DLG2: variants seen among roughly 807,000 people sequenced by gnomAD.
DLG2 encodes the protein discs large MAGUK scaffold protein 2, also known as disks large homolog 2.
A neutral mutation model predicts 132.5 loss-of-function variants in DLG2; 45 were observed. The observed-to-expected ratio is 0.34, with a 90% CI of 0.27 to 0.44. The LOEUF is 0.44. DLG2 is among the 20% of genes least tolerant of loss of function. The pLI, the probability that DLG2 is intolerant of heterozygous loss-of-function variation, is 1.00. For synonymous variants in DLG2, 424 were observed against 419.6 expected (o/e 1.01, Z -0.13); for missense variants, 1,045 against 1,196.9 (o/e 0.87, Z 1.87).
At position 83,683,310 on chromosome 11, in the gene DLG2, T is replaced by C. The variant is rs76999784; in HGVS notation, c.1826-49985A>G. ...GGTAAGTACTATCATGAGCAACATA[T>C]TGCAGAGAAGAAGCTGAGATTCAGG... On this transcript the variant is annotated intron_variant, in intron 18 of 27. Coordinates refer to ENST00000376104, the MANE Select transcript of DLG2 (RefSeq NM_001142699.3). Among the ~76,000 whole-genome samples the C allele has an allele frequency of 6.0e-4, 92 of 152,294 alleles. No homozygotes were observed. The East Asian group carries it at 0.014, about 22-fold the overall frequency.
intron 6 of DLG2, among the ~76,000 whole-genome samples, chr11:84,823,597 ACAC>A: frequency 6.7e-6 from 1 of 150,112 alleles, no homozygotes; most frequent in African/African-American, 2.4e-5. Context: ...ACACACACAC[ACAC>A]ACACACACAC....
chr11:85,268,429 A>C (rs1383723906), intron 4 of DLG2, among the ~76,000 whole-genome samples: 1 of 152,144 alleles, frequency 6.6e-6, no homozygotes, highest in African/African-American at 2.4e-5. Flanking sequence ...GACTTCTTAC[A>C]TATATTGATT....
intron 16 of DLG2, among the ~76,000 whole-genome samples, chr11:83,848,017 CCT>C (rs2058963772): frequency 6.6e-6 from 1 of 151,952 alleles, no homozygotes; most frequent in African/African-American, 2.4e-5. Flanking sequence ...ACTTAATTCT[CCT>C]CTTTTTCCTT....
chr11:83,771,675 C>T (rs2094398470), intron 18 of DLG2, among the ~76,000 whole-genome samples: 1 of 152,066 alleles, frequency 6.6e-6, no homozygotes, highest in Non-Finnish European at 1.5e-5. Context: ...TATAAGACCA[C>T]CGTTGTATAT....
At chr11:84,937,000 A>C (rs1425698779) in intron 6 of DLG2, among the ~76,000 whole-genome samples, 1 of 152,132 alleles carries the variant, frequency 6.6e-6, no homozygotes, top group East Asian at 1.9e-4. Flanking sequence ...TAAAACACAA[A>C]AATTAGCCAG....
rs369007898 is a variant in DLG2, at chr11:83,657,500, T to C, written c.1826-24175A>G. 1.3e-4 allele frequency among the ~76,000 whole-genome samples: 20 copies of C among 151,846 alleles called. No homozygotes were observed. In the East Asian group the frequency reaches 2.1e-3, roughly 16 times the overall value. Reference sequence around the variant, plus strand: ...ACTTTGTCTTGGTTATACTGTTGTTTACCAGTAGTCCGTGCTTTTATATAT... The same window carrying C: ...ACTTTGTCTTGGTTATACTGTTGTTCACCAGTAGTCCGTGCTTTTATATAT... On this transcript the variant is annotated intron_variant, in intron 18 of 27. Transcript: ENST00000376104.
At chr11:83,860,172 T>G (rs781752755) in intron 16 of DLG2, among the ~76,000 whole-genome samples, 1 of 152,214 alleles carries the variant, frequency 6.6e-6, no homozygotes, top group African/African-American at 2.4e-5. Context: ...ACAGAGTCCA[T>G]ACTGGGGCAC....
At chr11:83,602,079 G>A (rs2058656549) in intron 19 of DLG2, among the ~76,000 whole-genome samples, 1 of 152,126 alleles carries the variant, frequency 6.6e-6, no homozygotes. Context: ...TGCTGCAGTG[G>A]GAATAAATCA....
At chr11:83,529,687 C>G (rs1248192511) in intron 21 of DLG2, among the ~76,000 whole-genome samples, 1 of 151,910 alleles carries the variant, frequency 6.6e-6, no homozygotes, top group African/African-American at 2.4e-5. Flanking sequence ...TGTTTGACAT[C>G]CCTGATGTAG....
intron 5 of DLG2, among the ~76,000 whole-genome samples, chr11:85,150,067 T>C (rs1348561251): frequency 1.4e-5 from 2 of 141,924 alleles, no homozygotes; most frequent in Non-Finnish European, 3.0e-5. Flanking sequence ...TCGCCCAGGC[T>C]GGAGGGCAGT....
In DLG2 at chr11:83,503,144, T is replaced by C. The variant is rs117545104; in HGVS notation, c.2194-18916A>G. 1.0e-3 allele frequency among the ~76,000 whole-genome samples: 156 copies of C among 151,640 alleles called. No individual in the cohort carries two copies. In the East Asian group the frequency reaches 0.028, roughly 28 times the overall value. ...CTCAAGGGGCATGAAGAAGGCAGGA[T>C]AAGTTCTGCTATGGAGGGGAGGATA... On this transcript the variant is annotated intron_variant, in intron 21 of 27. Transcript: ENST00000376104.
intron 4 of DLG2, among the ~76,000 whole-genome samples, chr11:85,224,236 A>G (rs1029097649): frequency 6.6e-6 from 1 of 152,206 alleles, no homozygotes; most frequent in African/African-American, 2.4e-5. Context: ...AATAATTGAC[A>G]GAAATCAGGT....
In DLG2 at chr11:84,959,573, T is replaced by C. The variant is rs569894003; in HGVS notation, c.357+152088A>G. On this transcript the variant is annotated intron_variant, in intron 6 of 27. Coordinates refer to ENST00000376104, the MANE Select transcript of DLG2 (RefSeq NM_001142699.3). ...TTTACTTCTGCAGATCCCTAAAGCT[T>C]AGCACAGTGCCTACTACCATGTTAG... Among the ~76,000 whole-genome samples, 3 of 152,354 alleles carry C rather than the reference T, an allele frequency of 2.0e-5. No homozygotes were observed. In the East Asian group the frequency reaches 5.8e-4, roughly 29 times the overall value.
intron 7 of DLG2, among the ~76,000 whole-genome samples, chr11:84,382,295 A>G (rs1399686513): frequency 1.3e-5 from 2 of 152,124 alleles, no homozygotes; most frequent in Non-Finnish European, 2.9e-5. Context: ...GCTGTCATCA[A>G]ACTAGTACCT....
chr11:84,925,259 C>G (rs112405810), intron 6 of DLG2, among the ~76,000 whole-genome samples: 4 of 152,108 alleles, frequency 2.6e-5, no homozygotes, highest in Admixed American at 6.6e-5. Context: ...CAGAACAGCT[C>G]GCAAGCAAGG....
intron 7 of DLG2, among the ~76,000 whole-genome samples, chr11:84,281,220 GAGA>G (rs1417019598): frequency 6.6e-6 from 1 of 152,022 alleles, no homozygotes; most frequent in Non-Finnish European, 1.5e-5. Flanking sequence ...AAAAACATGA[GAGA>G]AGATCTTTAT....
intron 3 of DLG2, among the ~76,000 whole-genome samples, chr11:85,477,140 G>A (rs2093167763): frequency 6.6e-6 from 1 of 152,060 alleles, no homozygotes; most frequent in Non-Finnish European, 1.5e-5. Flanking sequence ...GTAGTCGGCT[G>A]TTCACCAAAA....
intron 21 of DLG2, among the ~76,000 whole-genome samples, chr11:83,484,817 T>C (rs777701694): frequency 1.3e-5 from 2 of 152,202 alleles, no homozygotes; most frequent in Non-Finnish European, 2.9e-5. Context: ...CAAAGAAGTA[T>C]GTAGATTTAT....
intron 6 of DLG2, among the ~76,000 whole-genome samples, chr11:85,002,618 G>C (rs2058313657): frequency 6.6e-6 from 1 of 152,132 alleles, no homozygotes; most frequent in African/African-American, 2.4e-5. Flanking sequence ...TGAGATTTTA[G>C]TGTCCACATT....
Sources: gnomAD v4.1 joint callset for allele counts (sites outside exome capture counted in the v4.1 genomes callset) on GRCh38, gnomAD v4.1.1 for gene constraint, MANE v1.5 for transcripts, NCBI Gene and HGNC (gene_info 2026-07-23, HGNC 2026-07-21) for gene names.